FHIT: variants seen among roughly 807,000 people sequenced by gnomAD.
FHIT encodes bis(5'-adenosyl)-triphosphatase.
Under a neutral mutation model 17.9 loss-of-function variants are expected in FHIT, and 19 were observed. The observed-to-expected ratio is 1.06, with a 90% confidence interval of 0.74 to 1.56. The LOEUF is 1.56. Among genes scored for constraint, FHIT ranks in the 40% most tolerant of loss-of-function variants. FHIT has a pLI of 0.00. For synonymous variants in FHIT, 81 were observed against 69.7 expected, an observed-to-expected ratio of 1.16 and a Z score of -0.81; for missense variants, 248 against 189.2, an observed-to-expected ratio of 1.31 and a Z score of -1.82.
At chr3:59,897,597 T>C (rs1428343010) in intron 8 of FHIT, among the ~76,000 whole-genome samples, 1 of 152,162 alleles carries the variant, frequency 6.6e-6, no homozygotes, top group South Asian at 2.1e-4. Flanking sequence ...TCAAGTGAAA[T>C]AATGAAGCCA....
intron 5 of FHIT, among the ~76,000 whole-genome samples, chr3:60,457,798 A>G (rs2032202690): frequency 6.6e-6 from 1 of 151,574 alleles, no homozygotes; most frequent in East Asian, 1.9e-4. Flanking sequence ...TTCTCAAAAG[A>G]AGACATTTAT....
chr3:61,063,486 A>G (rs2034499643), intron 2 of FHIT, among the ~76,000 whole-genome samples: 1 of 152,144 alleles, frequency 6.6e-6, no homozygotes, highest in Admixed American at 6.5e-5. Context: ...ATACCAGAAG[A>G]GCAAAACAAT....
intron 5 of FHIT, among the ~76,000 whole-genome samples, chr3:60,286,497 T>C (rs1707736747): frequency 6.6e-6 from 1 of 152,188 alleles, no homozygotes; most frequent in Non-Finnish European, 1.5e-5. Flanking sequence ...ATTTTCAATA[T>C]TAGTGCTATC....
intron 5 of FHIT, among the ~76,000 whole-genome samples, chr3:60,333,904 T>G (rs956965512): frequency 6.6e-6 from 1 of 152,174 alleles, no homozygotes; most frequent in Non-Finnish European, 1.5e-5. Context: ...ACAGACCACC[T>G]GCTTCCTGTT....
chr3:60,994,504 T>C (rs2030507521), intron 3 of FHIT, among the ~76,000 whole-genome samples: 2 of 152,220 alleles, frequency 1.3e-5, no homozygotes, highest in South Asian at 4.1e-4. Context: ...TCAAACCATT[T>C]CAGATTAGAA....
At chr3:60,471,348 G>C (rs2033080810) in intron 5 of FHIT, among the ~76,000 whole-genome samples, 1 of 152,176 alleles carries the variant, frequency 6.6e-6, no homozygotes, top group Admixed American at 6.5e-5. Context: ...GAGCACTTTA[G>C]CCTGTGGTGG....
At chr3:60,459,667 C>T (rs406667) in intron 5 of FHIT, among the ~76,000 whole-genome samples, 2 of 152,150 alleles carry the variant, frequency 1.3e-5, no homozygotes, top group South Asian at 2.1e-4. Context: ...AGCCTTTTTC[C>T]TCTCCTTCAA....
chr3:59,969,460 C>G (rs1337302693), intron 7 of FHIT, among the ~76,000 whole-genome samples: 1 of 152,048 alleles, frequency 6.6e-6, no homozygotes, highest in Non-Finnish European at 1.5e-5. Flanking sequence ...TTCATTAATC[C>G]TAACGCTTGA....
intron 3 of FHIT, among the ~76,000 whole-genome samples, chr3:60,924,118 C>A (rs558515438): frequency 4.6e-5 from 7 of 152,224 alleles, no homozygotes; most frequent in Middle Eastern, 3.2e-3. Context: ...CCTCTGTAGA[C>A]TCCACCTCTG....
intron 5 of FHIT, among the ~76,000 whole-genome samples, chr3:60,336,945 C>T (rs189418320): frequency 6.6e-6 from 1 of 150,962 alleles, no homozygotes; most frequent in East Asian, 2.0e-4. Flanking sequence ...ATCTGTTATG[C>T]TTGAAGATGT....
At chr3:60,823,757 G>A (rs544424162) in intron 3 of FHIT, among the ~76,000 whole-genome samples, 1 of 152,260 alleles carries the variant, frequency 6.6e-6, no homozygotes, top group South Asian at 2.1e-4. Flanking sequence ...TCAATACAGT[G>A]TGTTTGGGGA....
chr3:60,126,817 C>G (rs1285942448), intron 5 of FHIT, among the ~76,000 whole-genome samples: 2 of 152,136 alleles, frequency 1.3e-5, no homozygotes, highest in Non-Finnish European at 2.9e-5. Flanking sequence ...TTCAGAAAGC[C>G]TAGTGTGAAA....
At chr3:60,149,702 G>A (rs886068711) in intron 5 of FHIT, among the ~76,000 whole-genome samples, 22 of 151,890 alleles carry the variant, frequency 1.4e-4, no homozygotes, top group African/African-American at 5.1e-4. Flanking sequence ...CTATAAGGTC[G>A]CAGTAGAATT....
chr3:61,122,740 CAT>C (rs764644540), intron 2 of FHIT, among the ~76,000 whole-genome samples: 2 of 151,992 alleles, frequency 1.3e-5, no homozygotes, highest in Non-Finnish European at 2.9e-5. Flanking sequence ...GGACAACAAA[CAT>C]ATGAAAAAAA....
At chr3:59,901,367 C>G (rs73839599) in intron 8 of FHIT, among the ~76,000 whole-genome samples, 1 of 152,132 alleles carries the variant, frequency 6.6e-6, no homozygotes, top group Non-Finnish European at 1.5e-5. Flanking sequence ...ATGCCAATCT[C>G]GGGAGAGGTA....
chr3:61,142,615 A>G (rs1488704508), intron 2 of FHIT, among the ~76,000 whole-genome samples: 1 of 152,240 alleles, frequency 6.6e-6, no homozygotes. Flanking sequence ...CCATGCAACC[A>G]TTAAAAGTGA....
intron 5 of FHIT, among the ~76,000 whole-genome samples, chr3:60,167,403 C>T (rs958084924): frequency 6.6e-6 from 1 of 152,294 alleles, no homozygotes; most frequent in Non-Finnish European, 1.5e-5. Flanking sequence ...TCCATATATA[C>T]ACATGCATAT....
At chr3:60,851,142 A>T (rs2364298) in intron 3 of FHIT, among the ~76,000 whole-genome samples, 2 of 152,192 alleles carry the variant, frequency 1.3e-5, no homozygotes, top group African/African-American at 4.8e-5. Context: ...CTGTTAAGAA[A>T]GCCACAATCC....
chr3:60,561,905 GAA>G (rs927861399), intron 4 of FHIT, among the ~76,000 whole-genome samples: 1 of 150,344 alleles, frequency 6.7e-6, no homozygotes, highest in Non-Finnish European at 1.5e-5. Context: ...GAAAAAAAAA[GAA>G]AAGAGAGAGA....
Sources: gnomAD v4.1 joint callset for allele counts (sites outside exome capture counted in the v4.1 genomes callset) on GRCh38, gnomAD v4.1.1 for gene constraint, MANE v1.5 for transcripts, NCBI Gene and HGNC (gene_info 2026-07-23, HGNC 2026-07-21) for gene names.